The following OR51E1 variants were observed in gnomAD, a reference collection of about 807,000 sequenced individuals.
The protein encoded by OR51E1 is olfactory receptor 51E1.
A neutral mutation model predicts 11.5 loss-of-function variants in OR51E1; 9 were observed. The ratio of observed to expected loss-of-function variants is 0.78; its 90% confidence interval spans 0.47 to 1.37. OR51E1 has a LOEUF of 1.37. OR51E1 is among the 40% of genes most tolerant of loss of function. The probability of loss-of-function intolerance (pLI) is 0.00; values close to 1 mark genes in which losing one functional copy is unlikely to be tolerated. For missense variants in OR51E1, 397 were observed against 410.2 expected (o/e 0.97, Z 0.28); for synonymous variants, 168 against 158.3 (o/e 1.06, Z -0.46).
rs1191229307 is a variant in OR51E1 at position 4,653,795 on chromosome 11, T to C, written c.*312T>C. Reference sequence around the variant, plus strand: ...AGCATTCTGAGATAAGAATGGTACATCTAGAGAACATTTGCCAAAGGCCTA... The same window carrying C: ...AGCATTCTGAGATAAGAATGGTACACCTAGAGAACATTTGCCAAAGGCCTA... On this transcript the variant is annotated 3_prime_UTR_variant, in exon 2 of 2. Transcript: ENST00000396952. 1 of 239,836 alleles carries C rather than the reference T, an allele frequency of 4.2e-6. No individual in the cohort carries two copies. The highest frequency in any genetic ancestry group is 8.7e-6 in the Non-Finnish European group (1 of 115,556). 14.9% of individuals were successfully genotyped at this position (239,836 alleles called of 1,614,324 possible).
intron 1 of OR51E1, among the ~76,000 whole-genome samples, chr11:4,646,695 A>C (rs549652285): frequency 4.3e-4 from 66 of 152,210 alleles, no homozygotes; most frequent in Non-Finnish European, 7.5e-4. Context: ...GTTCCAGTGC[A>C]GAAGAGTCTT....
Position 4,653,285 on chromosome 11 carries a change from C to G in OR51E1, c.759C>G (p.Phe253Leu). Reference protein sequence around the residue: ...CVSHVCAVFIFYVPFIGLSMV... With the variant: ...CVSHVCAVFILYVPFIGLSMV... ...CTCATGTGTGTGCTGTGTTCATATT[C>G]TATGTACCTTTCATTGGATTGTCCA... Residue 253 changes from phenylalanine (F) to leucine (L), a missense_variant, in exon 2 of 2, where the codon TTC (phenylalanine) becomes TTG (leucine). By Grantham distance (22) the Phe-to-Leu change is conservative. Transcript: ENST00000396952. 6.2e-7 allele frequency: 1 copy of G among 1,614,152 alleles called. No individual in the cohort carries two copies.
chr11:4,653,492 G>T lies in OR51E1; in HGVS notation c.*9G>T. 1 of 1,513,178 alleles carries T rather than the reference G, an allele frequency of 6.6e-7. No homozygotes were observed. 93.7% of individuals were successfully genotyped at this position (1,513,178 alleles called of 1,614,324 possible). On this transcript the variant is annotated 3_prime_UTR_variant, in exon 2 of 2. Transcript: ENST00000396952. ...ACGCTTCAGAGCCCTAGGTGTCAGTGATCAAACTTCTTTTCCATTCAGAGT... is the reference window on the plus strand; with the variant it reads ...ACGCTTCAGAGCCCTAGGTGTCAGTTATCAAACTTCTTTTCCATTCAGAGT...
chr11:4,645,396 C>T (rs1359357680), intron 1 of OR51E1, among the ~76,000 whole-genome samples: 1 of 152,198 alleles, frequency 6.6e-6, no homozygotes, highest in Non-Finnish European at 1.5e-5. Context: ...CCCTTGGAAC[C>T]TAAAAAGCTT....
intron 1 of OR51E1, among the ~76,000 whole-genome samples, chr11:4,644,931 T>C (rs148607306): frequency 6.5e-4 from 99 of 152,272 alleles, no homozygotes; most frequent in Non-Finnish European, 1.2e-3. Flanking sequence ...TTTTGTTCCA[T>C]GAATCCCCCA....
At chr11:4,651,108 C>G (rs10500608) in intron 1 of OR51E1, among the ~76,000 whole-genome samples, 18,627 of 152,118 alleles carry the variant, frequency 0.12, 1,506 homozygotes, top group East Asian at 0.39. Flanking sequence ...TGACCCAAGT[C>G]TGACATTTTC....
In OR51E1 at chr11:4,655,460, A is replaced by G. The variant is rs113949980; in HGVS notation, c.*1977A>G. On this transcript the variant is annotated 3_prime_UTR_variant, in exon 2 of 2. Coordinates refer to ENST00000396952, the MANE Select transcript of OR51E1 (RefSeq NM_152430.4). ...CGAGGCAGTTGGATAAGTGAAAAAT[A>G]AAGTACTATTGTGTCAAGTCTCTGA... 0.023 allele frequency: 3,813 copies of G among 165,090 alleles called. 57 individuals carry two copies. The highest frequency in any genetic ancestry group is 0.035 in the Non-Finnish European group (2,353 of 68,102). The allele number at this position is 165,090 out of a possible 1,614,324, so 10.2% of individuals were successfully genotyped here.
In OR51E1 at chr11:4,654,522, C is replaced by A. The variant is rs558711785; in HGVS notation, c.*1039C>A. On this transcript the variant is annotated 3_prime_UTR_variant, in exon 2 of 2. Coordinates refer to ENST00000396952, the MANE Select transcript of OR51E1 (RefSeq NM_152430.4). ...CAGAAAGTCTGCATAGGGCTTATAGCAAGTTATTTATTTTTAAAAGTTCCA... is the reference window on the plus strand; with the variant it reads ...CAGAAAGTCTGCATAGGGCTTATAGAAAGTTATTTATTTTTAAAAGTTCCA... 6.0e-6 allele frequency: 1 copy of A among 167,112 alleles called. No homozygotes were observed. The highest frequency in any genetic ancestry group is 2.1e-4 in the South Asian group (1 of 4,826). 10.4% of individuals were successfully genotyped at this position (167,112 alleles called of 1,614,324 possible).
intron 1 of OR51E1, among the ~76,000 whole-genome samples, chr11:4,645,999 C>T (rs866715165): frequency 1.3e-5 from 2 of 152,122 alleles, no homozygotes; most frequent in Admixed American, 1.3e-4. Context: ...GGGCTACTAC[C>T]CTCACTAAGT....
Position 4,653,434 on chromosome 11 carries a change from A to G in OR51E1, c.908A>G (p.Gln303Arg), listed in dbSNP as rs765352280. The G allele has an allele frequency of 1.5e-5, 24 of 1,614,082 alleles. No homozygotes were observed. The South Asian group carries it at 2.6e-4, about 18-fold the overall frequency. ...GGAGTGAAGACAAAGGAGATTCGACAGCGCATCCTTCGACTTTTCCATGTG... is the reference window on the plus strand; with the variant it reads ...GGAGTGAAGACAAAGGAGATTCGACGGCGCATCCTTCGACTTTTCCATGTG... The part of the protein sequence containing the change: ...VYGVKTKEIR[Q>R]RILRLFHVAT... Residue 303 changes from glutamine to arginine, a missense_variant, in exon 2 of 2, where the codon CAG (glutamine) becomes CGG (arginine). By Grantham distance (43) the Gln-to-Arg change is conservative. Coordinates refer to ENST00000396952, the MANE Select transcript of OR51E1 (RefSeq NM_152430.4).
intron 1 of OR51E1, 133 bp downstream of exon 1, chr11:4,644,163 T>C (rs192730598): frequency 2.0e-3 from 302 of 152,960 alleles, no homozygotes; most frequent in Non-Finnish European, 3.6e-3. Context: ...AGGAAGCCCC[T>C]GACTCAAAGG....
At chr11:4,650,352 C>G (rs1444507716) in intron 1 of OR51E1, among the ~76,000 whole-genome samples, 1 of 152,104 alleles carries the variant, frequency 6.6e-6, no homozygotes, top group Non-Finnish European at 1.5e-5. Context: ...GAGGGAGAAG[C>G]TCTAAGAAGG....
chr11:4,650,439 G>C (rs1169923989), intron 1 of OR51E1, among the ~76,000 whole-genome samples: 1 of 152,168 alleles, frequency 6.6e-6, no homozygotes, highest in African/African-American at 2.4e-5. Context: ...TCGGCCCTTT[G>C]CCTGAAGTTC....
chr11:4,647,427 GC>G (rs1847042803), intron 1 of OR51E1, among the ~76,000 whole-genome samples: 2 of 152,164 alleles, frequency 1.3e-5, no homozygotes, highest in South Asian at 4.1e-4. Context: ...ACATTGGGAT[GC>G]TTCAGGGCTG....
chr11:4,651,889 T>C (rs149091278), intron 1 of OR51E1, among the ~76,000 whole-genome samples: 6 of 152,340 alleles, frequency 3.9e-5, no homozygotes, highest in Admixed American at 6.5e-5. Context: ...GAATTGTGAC[T>C]TGAATATCAT....
At chr11:4,645,909 C>T (rs1461845219) in intron 1 of OR51E1, among the ~76,000 whole-genome samples, 3 of 152,140 alleles carry the variant, frequency 2.0e-5, no homozygotes, top group Non-Finnish European at 4.4e-5. Flanking sequence ...CAACACCTTG[C>T]AAGGGTTCAT....
At chr11:4,651,510 C>A (rs1258061299) in intron 1 of OR51E1, among the ~76,000 whole-genome samples, 2 of 152,178 alleles carry the variant, frequency 1.3e-5, no homozygotes, top group African/African-American at 4.8e-5. Flanking sequence ...CCTTTGGTAC[C>A]CCTTATGTCA....
At chr11:4,652,251 T>C (rs1014510692) in intron 1 of OR51E1, among the ~76,000 whole-genome samples, 1 of 152,232 alleles carries the variant, frequency 6.6e-6, no homozygotes, top group Non-Finnish European at 1.5e-5. Context: ...TTTGTCTTAG[T>C]CTTTCACTTG....
intron 1 of OR51E1, among the ~76,000 whole-genome samples, chr11:4,644,745 T>G (rs956825906): frequency 6.6e-6 from 1 of 152,142 alleles, no homozygotes; most frequent in Admixed American, 6.5e-5. Flanking sequence ...GATGTATTTT[T>G]AAAAACAAAC....
Sources: allele counts gnomAD v4.1 joint callset (sites outside exome capture counted in the v4.1 genomes callset), GRCh38; gene constraint gnomAD v4.1.1; transcripts MANE v1.5; gene names NCBI Gene and HGNC (gene_info 2026-07-23, HGNC 2026-07-21).